ARHGAP24: variants seen among roughly 807,000 people sequenced by gnomAD.
ARHGAP24 encodes the protein rho GTPase-activating protein 24.
A neutral mutation model predicts 76.4 loss-of-function variants in ARHGAP24; 50 were observed. The ratio of observed to expected loss-of-function variants is 0.65; its 90% CI spans 0.52 to 0.83. The LOEUF (loss-of-function observed/expected upper bound fraction) is 0.83, where lower values mean the gene tolerates loss of function less well. ARHGAP24 is among the 40% of genes least tolerant of loss of function. ARHGAP24 has a pLI of 0.00. For missense variants in ARHGAP24, 930 were observed against 914.2 expected (o/e 1.02, Z -0.22); for synonymous variants, 345 against 323.3 (o/e 1.07, Z -0.72).
At chr4:86,000,284 A>C in intron 9 of ARHGAP24, 195 bp from the exon 10 acceptor site, 1 of 483,834 alleles carries the variant, frequency 2.1e-6, no homozygotes. Flanking sequence ...GTGACAGTAA[A>C]TCATCTTAGC....
intron 3 of ARHGAP24, among the ~76,000 whole-genome samples, chr4:85,814,781 G>T: frequency 6.6e-6 from 1 of 152,096 alleles, no homozygotes; most frequent in East Asian, 1.9e-4. Context: ...TCTTCTCATA[G>T]CTCCACTAGG....
At chr4:85,606,739 A>T (rs1216863068) in intron 2 of ARHGAP24, among the ~76,000 whole-genome samples, 1 of 152,090 alleles carries the variant, frequency 6.6e-6, no homozygotes, top group Non-Finnish European at 1.5e-5. Flanking sequence ...CCAGTGAACA[A>T]CTCAAAGTCA....
chr4:85,532,759 C>T (rs1317203561), intron 1 of ARHGAP24, among the ~76,000 whole-genome samples: 3 of 152,170 alleles, frequency 2.0e-5, no homozygotes, highest in Admixed American at 6.5e-5. Context: ...TGAAAACAAA[C>T]TCTGTTCTAT....
chr4:85,635,777 C>G (rs886677605), intron 2 of ARHGAP24, among the ~76,000 whole-genome samples: 2 of 151,832 alleles, frequency 1.3e-5, no homozygotes, highest in African/African-American at 4.8e-5. Flanking sequence ...TGTTTCTTTT[C>G]ATAGGTACCA....
At chr4:85,562,742 C>T (rs761472413) in intron 1 of ARHGAP24, among the ~76,000 whole-genome samples, 1 of 152,142 alleles carries the variant, frequency 6.6e-6, no homozygotes, top group Non-Finnish European at 1.5e-5. Flanking sequence ...TTCCTGGCTT[C>T]CCCAGACCTG....
intron 1 of ARHGAP24, among the ~76,000 whole-genome samples, chr4:85,489,712 A>T (rs1392216134): frequency 1.3e-5 from 2 of 152,126 alleles, no homozygotes. Flanking sequence ...AAGAATACTA[A>T]ATACTTAGAT....
intron 1 of ARHGAP24, among the ~76,000 whole-genome samples, chr4:85,486,001 AG>A (rs953966257): frequency 5.9e-5 from 9 of 152,230 alleles, no homozygotes; most frequent in African/African-American, 1.7e-4. Flanking sequence ...GGCCTCCCAA[AG>A]TGCTGGGATT....
intron 4 of ARHGAP24, among the ~76,000 whole-genome samples, chr4:85,932,086 T>A (rs1297817010): frequency 6.6e-6 from 1 of 152,202 alleles, no homozygotes; most frequent in Admixed American, 6.5e-5. Context: ...TTTGCGTAGC[T>A]AAGACCTGGC....
At chr4:85,666,799 GCAGCA>G (rs1037431583) in intron 2 of ARHGAP24, among the ~76,000 whole-genome samples, 3 of 152,226 alleles carry the variant, frequency 2.0e-5, no homozygotes, top group Non-Finnish European at 2.9e-5. Context: ...AGCGGTGGCT[GCAGCA>G]CAGCAGATTT....
rs150199052 is a variant in ARHGAP24, at chr4:85,532,656, C to T, written c.-20-37866C>T. 8.5e-5 allele frequency among the ~76,000 whole-genome samples: 13 copies of T among 152,104 alleles called. No individual in the cohort carries two copies. The East Asian group carries it at 2.3e-3, about 27-fold the overall frequency. ...GAAACCACAAATGTTATGATCATAC[C>T]GTGAACATTCGAGCAGTTATCATCT... On this transcript the variant is annotated intron_variant, in intron 1 of 9. Transcript: ENST00000395184.
chr4:85,844,077 G>T (rs1730741697), intron 3 of ARHGAP24, among the ~76,000 whole-genome samples: 4 of 152,168 alleles, frequency 2.6e-5, no homozygotes, highest in African/African-American at 9.7e-5. Context: ...AAGATTAAAT[G>T]AGATAACATA....
intron 3 of ARHGAP24, among the ~76,000 whole-genome samples, chr4:85,767,258 TTAA>T (rs1446033575): frequency 1.3e-5 from 2 of 152,200 alleles, no homozygotes; most frequent in African/African-American, 4.8e-5. Context: ...TAATAATATT[TTAA>T]TGTTTTGATT....
In ARHGAP24 at chr4:85,485,347, C is replaced by CAA. The variant is rs1157207535; in HGVS notation, c.-21+9817_-21+9818dup. On this transcript the variant is annotated intron_variant, in intron 1 of 9. Transcript: ENST00000395184. The stretch of plus-strand genomic sequence containing the variant: ...TGGGTGACAGAGCAAGACTCCATCT[C>CAA]AAAAAAAAAAAAAAAAAAAAAAAAA... 5.9e-4 allele frequency among the ~76,000 whole-genome samples: 4 copies of CAA among 6,726 alleles called. 1 individual carries two copies. The highest frequency in any genetic ancestry group is 6.0e-3 in the Admixed American group (2 of 336). The allele number at this position is 6,726 out of a possible 152,430, so 4.4% of individuals were successfully genotyped here. A position where few individuals can be genotyped will look rare whatever the true frequency, so the allele number is the denominator to read the frequency against.
rs770196668 is a variant in ARHGAP24, at chr4:85,974,882, A to T, written c.733-6A>T. Reference sequence around the variant, plus strand: ...AAATAATATTTATTTTCTTCTTTGTACTCAGGGTGTTAAGGAATTAGCAAA... The same window carrying T: ...AAATAATATTTATTTTCTTCTTTGTTCTCAGGGTGTTAAGGAATTAGCAAA... On this transcript the variant is annotated splice_polypyrimidine_tract_variant and splice_region_variant and intron_variant, in intron 6 of 9. Coordinates refer to ENST00000395184, the MANE Select transcript of ARHGAP24 (RefSeq NM_001025616.3). 3 of 1,612,970 alleles carry T rather than the reference A, an allele frequency of 1.9e-6. No homozygotes were observed. The South Asian group carries it at 3.3e-5, about 18-fold the overall frequency.
intron 8 of ARHGAP24, among the ~76,000 whole-genome samples, chr4:85,979,354 A>G (rs1003125844): frequency 6.6e-6 from 1 of 152,130 alleles, no homozygotes; most frequent in Non-Finnish European, 1.5e-5. Flanking sequence ...GTATCATCTT[A>G]ACCATTTTTA....
chr4:85,629,400 AAT>A (rs1340571394), intron 2 of ARHGAP24, among the ~76,000 whole-genome samples: 3 of 152,288 alleles, frequency 2.0e-5, no homozygotes, highest in African/African-American at 7.2e-5. Context: ...TCTTTATAAT[AAT>A]AGAGTCTTCT....
chr4:85,662,880 T>C (rs1305672011), intron 2 of ARHGAP24, among the ~76,000 whole-genome samples: 1 of 152,120 alleles, frequency 6.6e-6, no homozygotes, highest in Non-Finnish European at 1.5e-5. Context: ...GACCTATACC[T>C]CTGTTTAGGT....
rs192753437 is a variant in ARHGAP24, at chr4:85,786,128, G to A, written c.268+64156G>A. Among the ~76,000 whole-genome samples, 19 of 152,092 alleles carry A rather than the reference G, an allele frequency of 1.2e-4. No individual in the cohort carries two copies. In the East Asian group the frequency reaches 3.7e-3, roughly 29 times the overall value. On this transcript the variant is annotated intron_variant, in intron 3 of 9. Coordinates refer to ENST00000395184, the MANE Select transcript of ARHGAP24 (RefSeq NM_001025616.3). The stretch of plus-strand genomic sequence containing the variant: ...AGTTGGATGGGATCTTAATGATCTC[G>A]TAATTAACCCCCACATATTTCTCTA...
intron 3 of ARHGAP24, among the ~76,000 whole-genome samples, chr4:85,740,258 C>T (rs1412979558): frequency 6.7e-6 from 1 of 148,892 alleles, no homozygotes; most frequent in Non-Finnish European, 1.5e-5. Context: ...GTTCCTCTGT[C>T]GTCCAGGCTG....
Sources: allele counts gnomAD v4.1 joint callset (sites outside exome capture counted in the v4.1 genomes callset), GRCh38; gene constraint gnomAD v4.1.1; transcripts MANE v1.5; gene names NCBI Gene and HGNC (gene_info 2026-07-23, HGNC 2026-07-21).